GUCY2F: variants seen among roughly 807,000 people sequenced by gnomAD.
GUCY2F encodes guanylate cyclase 2F, retinal, also known as retinal guanylyl cyclase 2.
In GUCY2F, 61 loss-of-function variants were observed where a neutral mutation model predicts 73.1. That is an observed-to-expected ratio of 0.83 (90% CI 0.68 to 1.03). The LOEUF is 1.03. Ranked by LOEUF, GUCY2F falls within the 50% of genes least tolerant of loss-of-function variation. GUCY2F has a pLI of 0.00. For missense variants in GUCY2F, 912 were observed against 854.3 expected (o/e 1.07, Z -0.84); for synonymous variants, 331 against 307.8 (o/e 1.08, Z -0.79).
intron 9 of GUCY2F, among the ~76,000 whole-genome samples, chrX:109,408,068 C>A (rs1465004939): frequency 8.9e-6 from 1 of 112,114 alleles, no homozygotes; most frequent in Non-Finnish European, 1.9e-5. Flanking sequence ...CACACACACT[C>A]AATGCCAGCC....
intron 1 of GUCY2F, among the ~76,000 whole-genome samples, chrX:109,476,279 C>A (rs1603386778): frequency 9.0e-6 from 1 of 111,700 alleles, no homozygotes; most frequent in East Asian, 2.8e-4. Flanking sequence ...CACATTCAAT[C>A]TATCACCAAT....
In GUCY2F at chrX:109,404,445, T is replaced by A. The variant is rs1366757167; in HGVS notation, c.2008A>T (p.Arg670Trp). Residue 670 changes from arginine (R) to tryptophan (W), a missense_variant, in exon 10 of 20, where the codon AGG becomes TGG. Arg to Trp is a moderately radical substitution (Grantham distance 101, BLOSUM62 -3). Transcript: ENST00000218006. The stretch of plus-strand genomic sequence containing the variant: ...ACCACACAGTTTCGAGACTTTAGCC[T>A]CCCATGAACAAACTCTCTGTGGTGT... ...YLHHREFVHGRLKSRNCVVDG... is the reference protein window; with the variant it reads ...YLHHREFVHGWLKSRNCVVDG... 8.4e-7 allele frequency: 1 copy of A among 1,192,571 alleles called. No individual in the cohort carries two copies. The highest frequency in any genetic ancestry group is 3.0e-5 in the East Asian group (1 of 33,673).
Position 109,392,240 on chromosome X carries a change from A to T in GUCY2F, c.2589-137T>A, listed in dbSNP as rs911303139. ...GAGGAAGAAAGTGTTACATGGATGAAAACATTAATTCGTTCATTTATTCTA... is the reference window on the plus strand; with the variant it reads ...GAGGAAGAAAGTGTTACATGGATGATAACATTAATTCGTTCATTTATTCTA... On this transcript the variant is annotated intron_variant, in intron 13 of 19. Coordinates refer to ENST00000218006, the MANE Select transcript of GUCY2F (RefSeq NM_001522.3). 4 of 477,523 alleles carry T rather than the reference A, an allele frequency of 8.4e-6. No individual in the cohort carries two copies. The South Asian group carries it at 1.4e-4, about 17-fold the overall frequency. The allele number at this position is 477,523 out of a possible 1,213,427, so 39.4% of individuals were successfully genotyped here.
At chrX:109,387,384 G>T (rs1930461471) in intron 15 of GUCY2F, among the ~76,000 whole-genome samples, 2 of 112,075 alleles carry the variant, frequency 1.8e-5, no homozygotes, top group South Asian at 7.5e-4. Context: ...AAGTTTGTAT[G>T]GGTAAAAAAA....
chrX:109,397,956 C>T (rs1198883477), intron 11 of GUCY2F, among the ~76,000 whole-genome samples: 1 of 110,189 alleles, frequency 9.1e-6, no homozygotes, highest in East Asian at 2.9e-4. Flanking sequence ...TATTGGTAAT[C>T]TTGATTGCTT....
chrX:109,475,462 T>C lies in GUCY2F; in HGVS notation c.475A>G (p.Lys159Glu), dbSNP rs752011438. 8.3e-7 allele frequency: 1 copy of C among 1,211,281 alleles called. No homozygotes were observed. Among genetic ancestry groups the C allele is most frequent in the East Asian group, 3.0e-5 (1 of 33,823 alleles). Residue 159 changes from lysine to glutamate, a missense_variant, in exon 2 of 20, where the codon AAA becomes GAA. Transcript: ENST00000218006. The stretch of plus-strand genomic sequence containing the variant: ...CGAGAAAAGGTCGGGTAGCTAATTT[T>C]ATTGTCTAATTCATAATTCACACAA... ...WACVNYELDN[K>E]ISYPTFSRTL... is the part of the protein sequence containing the mutation.
chrX:109,429,223 C>T (rs939089737), intron 8 of GUCY2F, among the ~76,000 whole-genome samples: 1 of 111,237 alleles, frequency 9.0e-6, no homozygotes, highest in Non-Finnish European at 1.9e-5. Context: ...ACCAGCCTGA[C>T]CAACATGGTG....
At chrX:109,388,190 T>C (rs751151671) in intron 15 of GUCY2F, among the ~76,000 whole-genome samples, 122 of 111,486 alleles carry the variant, frequency 1.1e-3, no homozygotes, top group African/African-American at 3.7e-3. Flanking sequence ...TTAAATGAAT[T>C]ATCCTAACTA....
intron 19 of GUCY2F, among the ~76,000 whole-genome samples, chrX:109,375,572 C>T (rs1930157893): frequency 8.9e-6 from 1 of 112,073 alleles, no homozygotes; most frequent in African/African-American, 3.2e-5. Context: ...CCATGTGGCC[C>T]AGGTGCTCAA....
chrX:109,432,883 C>T (rs925299940), intron 7 of GUCY2F, among the ~76,000 whole-genome samples: 2 of 111,968 alleles, frequency 1.8e-5, no homozygotes, highest in African/African-American at 6.5e-5. Flanking sequence ...AAAGCAACCT[C>T]AAGAAACTTC....
intron 1 of GUCY2F, 107 bp downstream of exon 1, chrX:109,481,759 G>C (rs996142980): frequency 9.3e-6 from 1 of 107,890 alleles, no homozygotes; most frequent in African/African-American, 3.4e-5. Flanking sequence ...ACTACATATT[G>C]CAGTAAAACT....
intron 11 of GUCY2F, among the ~76,000 whole-genome samples, chrX:109,396,035 G>A (rs983906065): frequency 2.7e-5 from 3 of 112,260 alleles, no homozygotes; most frequent in African/African-American, 9.7e-5. Context: ...TGTGCTGAAC[G>A]CTTTGCATGC....
intron 14 of GUCY2F, among the ~76,000 whole-genome samples, chrX:109,389,017 G>A (rs959156813): frequency 1.8e-5 from 2 of 112,047 alleles, no homozygotes; most frequent in African/African-American, 6.5e-5. Flanking sequence ...AGGAGAAAGT[G>A]CCTATGATGC....
intron 8 of GUCY2F, among the ~76,000 whole-genome samples, chrX:109,423,927 A>G (rs1013466682): frequency 3.6e-5 from 4 of 111,555 alleles, no homozygotes; most frequent in African/African-American, 6.5e-5. Flanking sequence ...GCAGGCATAC[A>G]ATAGAGAACA....
intron 9 of GUCY2F, among the ~76,000 whole-genome samples, chrX:109,405,667 A>G (rs1481009700): frequency 9.0e-6 from 1 of 111,659 alleles, no homozygotes; most frequent in Non-Finnish European, 1.9e-5. Flanking sequence ...TTCTGAGTAG[A>G]GTCTACAGTG....
intron 8 of GUCY2F, among the ~76,000 whole-genome samples, chrX:109,415,568 G>A (rs1482633203): frequency 8.9e-6 from 1 of 112,105 alleles, no homozygotes; most frequent in Non-Finnish European, 1.9e-5. Flanking sequence ...TGAGAGTAGA[G>A]GAAAAAGGTT....
intron 3 of GUCY2F, among the ~76,000 whole-genome samples, chrX:109,455,208 T>A (rs1324025174): frequency 8.9e-6 from 1 of 111,758 alleles, no homozygotes; most frequent in Non-Finnish European, 1.9e-5. Context: ...TCAAAGATTC[T>A]AATATGCATG....
At chrX:109,449,974 G>A (rs1002552244) in intron 5 of GUCY2F, among the ~76,000 whole-genome samples, 1 of 111,007 alleles carries the variant, frequency 9.0e-6, no homozygotes, top group Admixed American at 9.7e-5. Context: ...TCTCCTGCAA[G>A]TAATCACCGT....
intron 6 of GUCY2F, among the ~76,000 whole-genome samples, chrX:109,446,945 C>G (rs1483034407): frequency 8.9e-6 from 1 of 111,928 alleles, no homozygotes; most frequent in African/African-American, 3.3e-5. Flanking sequence ...ATCAAAAAAT[C>G]CCATCAAAAA....
Sources: allele counts gnomAD v4.1 joint callset (sites outside exome capture counted in the v4.1 genomes callset), GRCh38; gene constraint gnomAD v4.1.1; transcripts MANE v1.5; gene names NCBI Gene and HGNC (gene_info 2026-07-23, HGNC 2026-07-21).